CAV1: variants seen among roughly 807,000 people sequenced by gnomAD.
CAV1 encodes the protein caveolin 1, also known as caveolin-1.
Under a neutral mutation model 16.5 loss-of-function variants are expected in CAV1, and 10 were observed. That is an observed-to-expected ratio of 0.61 (90% confidence interval 0.37 to 1.03). The LOEUF is 1.03. Among genes scored for constraint, CAV1 ranks in the 50% least tolerant of loss-of-function variants. The probability of loss-of-function intolerance (pLI) is 0.01; values close to 1 mark genes in which losing one functional copy is unlikely to be tolerated. For synonymous variants in CAV1, 76 were observed against 85.1 expected (o/e 0.89, Z 0.59); for missense variants, 212 against 232.8 (o/e 0.91, Z 0.58).
intron 2 of CAV1, among the ~76,000 whole-genome samples, chr7:116,537,081 G>A (rs1273992219): frequency 6.6e-6 from 1 of 150,766 alleles, no homozygotes; most frequent in Non-Finnish European, 1.5e-5. Context: ...TTTCATGGCA[G>A]GGGAACTACA....
chr7:116,556,113 G>C (rs1794289827), intron 2 of CAV1, among the ~76,000 whole-genome samples: 1 of 152,198 alleles, frequency 6.6e-6, no homozygotes, highest in East Asian at 1.9e-4. Context: ...CAGTTTCACT[G>C]AAAATGCAGG....
chr7:116,530,034 G>T (rs1466040742), intron 2 of CAV1, among the ~76,000 whole-genome samples: 1 of 152,108 alleles, frequency 6.6e-6, no homozygotes, highest in Non-Finnish European at 1.5e-5. Flanking sequence ...TTAAACCCAT[G>T]CAATATGCTA....
At chr7:116,540,550 A>G (rs1349157868) in intron 2 of CAV1, among the ~76,000 whole-genome samples, 2 of 152,226 alleles carry the variant, frequency 1.3e-5, no homozygotes, top group Admixed American at 6.5e-5. Flanking sequence ...GTAACTTGGT[A>G]TCTAACATAC....
At chr7:116,525,242 G>T in intron 1 of CAV1, 150 bp downstream of exon 1, 2 of 1,608,604 alleles carry the variant, frequency 1.2e-6, no homozygotes, top group Non-Finnish European at 1.7e-6. Flanking sequence ...TGAGGAATGG[G>T]CCTGGGCGGG....
At chr7:116,549,399 T>A (rs1008018899) in intron 2 of CAV1, among the ~76,000 whole-genome samples, 1 of 152,238 alleles carries the variant, frequency 6.6e-6, no homozygotes, top group African/African-American at 2.4e-5. Context: ...GGTGAAGACT[T>A]CTGAGCTTGA....
At chr7:116,555,617 AGAAG>A (rs1341403114) in intron 2 of CAV1, among the ~76,000 whole-genome samples, 1 of 120,582 alleles carries the variant, frequency 8.3e-6, no homozygotes, top group Non-Finnish European at 1.9e-5. Context: ...AAAGAAAGAA[AGAAG>A]GGAGGGAGGG....
chr7:116,540,638 A>T (rs181874139), intron 2 of CAV1, among the ~76,000 whole-genome samples: 1 of 152,366 alleles, frequency 6.6e-6, no homozygotes, highest in East Asian at 1.9e-4. Context: ...TCTCAACTTA[A>T]AAATGACACC....
intron 2 of CAV1, among the ~76,000 whole-genome samples, chr7:116,533,070 A>C (rs1793716989): frequency 6.6e-6 from 1 of 152,170 alleles, no homozygotes; most frequent in Admixed American, 6.5e-5. Context: ...GGCTGGGCGC[A>C]GTGACTCACT....
intron 2 of CAV1, among the ~76,000 whole-genome samples, chr7:116,536,928 A>G (rs1049664240): frequency 1.4e-5 from 2 of 144,644 alleles, no homozygotes; most frequent in Non-Finnish European, 3.0e-5. Context: ...GCGTGAACCC[A>G]GGAAGCGGAG....
At chr7:116,525,821 A>C in intron 1 of CAV1, 1 of 1,016,474 alleles carries the variant, frequency 9.8e-7, no homozygotes, top group Non-Finnish European at 1.2e-6. Flanking sequence ...ACTGAGTTCT[A>C]GGACATTTAG....
intron 2 of CAV1, among the ~76,000 whole-genome samples, chr7:116,531,589 TTTA>T (rs752051830): frequency 1.3e-5 from 2 of 152,074 alleles, no homozygotes; most frequent in East Asian, 1.9e-4. Context: ...AAGATTTATT[TTTA>T]TTATTATTAT....
intron 2 of CAV1, among the ~76,000 whole-genome samples, chr7:116,553,510 C>T (rs1385657388): frequency 6.6e-6 from 1 of 152,196 alleles, no homozygotes; most frequent in East Asian, 1.9e-4. Context: ...CTGCATAATA[C>T]TTCCCTCCAG....
At chr7:116,557,614 T>A (rs1241911228) in intron 2 of CAV1, among the ~76,000 whole-genome samples, 2 of 152,168 alleles carry the variant, frequency 1.3e-5, no homozygotes, top group African/African-American at 4.8e-5. Context: ...GGGAGAGCTA[T>A]TGGGAAAGGG....
At chr7:116,526,073 C>G (rs1331573352) in intron 1 of CAV1, 1 of 195,892 alleles carries the variant, frequency 5.1e-6, no homozygotes. Context: ...TAATAGGGAC[C>G]GGGGACGGGA....
chr7:116,552,674 CA>C (rs1391588407), intron 2 of CAV1, among the ~76,000 whole-genome samples: 3 of 152,130 alleles, frequency 2.0e-5, no homozygotes, highest in Non-Finnish European at 4.4e-5. Flanking sequence ...ATATTCTAAG[CA>C]AGATGAAAAG....
intron 2 of CAV1, among the ~76,000 whole-genome samples, chr7:116,539,422 C>G (rs761682266): frequency 6.8e-4 from 104 of 152,092 alleles, no homozygotes; most frequent in Admixed American, 1.7e-3. Flanking sequence ...AGTTGACACT[C>G]TGAAATTCTT....
chr7:116,543,193 T>C (rs889986498), intron 2 of CAV1, among the ~76,000 whole-genome samples: 15 of 152,224 alleles, frequency 9.9e-5, no homozygotes, highest in Admixed American at 9.8e-4. Context: ...GTTGCCTTTA[T>C]TTATAAAATT....
At chr7:116,554,422 A>C (rs1221009759) in intron 2 of CAV1, among the ~76,000 whole-genome samples, 2 of 152,224 alleles carry the variant, frequency 1.3e-5, no homozygotes, top group African/African-American at 4.8e-5. Context: ...GGAGACCTAG[A>C]GATATGAATG....
chr7:116,532,710 A>T (rs1302413281), intron 2 of CAV1, among the ~76,000 whole-genome samples: 1 of 152,242 alleles, frequency 6.6e-6, no homozygotes, highest in Non-Finnish European at 1.5e-5. Context: ...GTGCAAGAGG[A>T]TTGTGCCAAG....
Sources: allele counts gnomAD v4.1 joint callset (sites outside exome capture counted in the v4.1 genomes callset), GRCh38; gene constraint gnomAD v4.1.1; transcripts MANE v1.5; gene names NCBI Gene and HGNC (gene_info 2026-07-23, HGNC 2026-07-21).